Variants in MPP2 observed in about 807,000 individuals in gnomAD.
The protein encoded by MPP2 is MAGUK p55 subfamily member 2.
In MPP2, 42 loss-of-function variants were observed where a neutral mutation model predicts 58.5. The ratio of observed to expected loss-of-function variants is 0.72; its 90% confidence interval spans 0.56 to 0.93. MPP2 has a LOEUF of 0.93. Ranked by LOEUF, MPP2 falls within the 40% of genes least tolerant of loss-of-function variation. MPP2 has a pLI of 0.00. For missense variants in MPP2, 632 were observed against 760.4 expected (o/e 0.83, Z 1.99); for synonymous variants, 300 against 307.8 (o/e 0.97, Z 0.26).
intron 3 of MPP2, among the ~76,000 whole-genome samples, chr17:43,895,520 GTATT>G (rs2047807766): frequency 6.6e-6 from 1 of 152,046 alleles, no homozygotes; most frequent in African/African-American, 2.4e-5. Context: ...ATGCTCTTTT[GTATT>G]TATTCATTCA....
rs775059342 is a variant in MPP2 at position 43,879,299 on chromosome 17, A to T, written c.1458T>A (p.Ser486Arg). 1.1e-5 allele frequency: 18 copies of T among 1,610,986 alleles called. No individual in the cohort carries two copies. The highest frequency in any genetic ancestry group is 5.0e-5 in the Admixed American group (3 of 59,798). The change falls in exon 12 of 13, where the codon AGT becomes AGA. Residue 486 changes from serine (S) to arginine (R), a missense_variant. Coordinates refer to ENST00000269095, the MANE Select transcript of MPP2 (RefSeq NM_005374.5). This position sits in a 1 kb window ranked among gnomAD's most constrained non-coding sequence, Gnocchi z 4.1. ...CCGTGAGCTGCTTGGTGGATATTCC[A>T]CTCTCCAGCGCAGCCCTGTTCATGG... The part of the protein sequence containing the change: ...LRAMNRAALE[S>R]GISTKQLTEA...
chr17:43,898,718 A>G (rs2047960753), intron 2 of MPP2, among the ~76,000 whole-genome samples: 1 of 152,254 alleles, frequency 6.6e-6, no homozygotes, highest in African/African-American at 2.4e-5. Flanking sequence ...GCCCTGCACC[A>G]GAAAACCACA....
At chr17:43,900,736 G>C (rs1291654847) in intron 2 of MPP2, 2 of 1,141,792 alleles carry the variant, frequency 1.8e-6, no homozygotes, top group Non-Finnish European at 1.2e-6. Flanking sequence ...GACTGGCGCT[G>C]CGCGGTGCAG....
intron 3 of MPP2, among the ~76,000 whole-genome samples, chr17:43,888,255 C>T (rs568765134): frequency 2.0e-5 from 3 of 152,290 alleles, no homozygotes; most frequent in African/African-American, 7.2e-5. Flanking sequence ...CCTCCCATAC[C>T]ATCCTCTGCC....
upstream of MPP2, chr17:43,909,442 A>G (rs2048383534): frequency 1.5e-6 from 1 of 661,072 alleles, no homozygotes; most frequent in Admixed American, 4.1e-5. Flanking sequence ...TCACCTGTCC[A>G]CCTCTGGGCT....
intron 1 of MPP2, chr17:43,907,196 C>G: frequency 1.0e-6 from 1 of 985,532 alleles, no homozygotes; most frequent in Non-Finnish European, 1.2e-6. Context: ...ATACCGGGGC[C>G]CCTCACAGCT....
intron 3 of MPP2, among the ~76,000 whole-genome samples, chr17:43,894,147 G>A (rs1457320793): frequency 2.0e-5 from 3 of 151,016 alleles, no homozygotes; most frequent in East Asian, 3.9e-4. Context: ...GGCCAGGTGC[G>A]GTGGCTCACA....
chr17:43,888,812 G>A (rs923413554), intron 3 of MPP2, among the ~76,000 whole-genome samples: 12 of 152,088 alleles, frequency 7.9e-5, no homozygotes, highest in Admixed American at 1.3e-4. Context: ...ACCCCTGGAC[G>A]TTTTATACCC....
chr17:43,880,630 C>A lies in MPP2; in HGVS notation c.1150+61G>T. On this transcript the variant is annotated intron_variant, in intron 10 of 12. Transcript: ENST00000269095. This position sits in a 1 kb window ranked among gnomAD's most constrained non-coding sequence, Gnocchi z 5.2. Reference sequence around the variant, plus strand: ...AAGATGCCCATTCGGTGGGCCCAGCCCTGGCCCCAGGGGAGCCCTGCTCCT... The same window carrying A: ...AAGATGCCCATTCGGTGGGCCCAGCACTGGCCCCAGGGGAGCCCTGCTCCT... 6.5e-7 allele frequency: 1 copy of A among 1,526,858 alleles called. No individual in the cohort carries two copies. Among genetic ancestry groups the A allele is most frequent in the South Asian group, 1.3e-5 (1 of 78,496 alleles). 94.6% of individuals were successfully genotyped at this position (1,526,858 alleles called of 1,614,324 possible).
Position 43,877,806 on chromosome 17 carries a change from C to G in MPP2, c.*1G>C. 6.2e-7 allele frequency: 1 copy of G among 1,612,576 alleles called. No homozygotes were observed. Among genetic ancestry groups the G allele is most frequent in the Non-Finnish European group, 8.5e-7 (1 of 1,178,884 alleles). On this transcript the variant is annotated 3_prime_UTR_variant, in exon 13 of 13. Coordinates refer to ENST00000269095, the MANE Select transcript of MPP2 (RefSeq NM_005374.5). ...GTGAGCCAAAGACCAGGTGAACAGG[C>G]TCAGTACACCCAGCTGACAGGCACC...
chr17:43,898,538 C>T (rs2047951169), intron 2 of MPP2, among the ~76,000 whole-genome samples, 158 bp from the exon 3 acceptor site: 1 of 152,218 alleles, frequency 6.6e-6, no homozygotes. Flanking sequence ...GCACCCCAGG[C>T]CCTTGAATGC....
intron 12 of MPP2, among the ~76,000 whole-genome samples, chr17:43,878,519 A>T (rs1449948435): frequency 6.6e-6 from 1 of 152,210 alleles, no homozygotes; most frequent in Non-Finnish European, 1.5e-5. Context: ...AATAAGCTGA[A>T]GCTAGCTGCA....
rs779362495 is a variant in MPP2 at position 43,880,728 on chromosome 17, G to A, written c.1113C>T (p.Ile371=). ...VGRRSLKNKL[I]MWDPDRYGTT... ...TGCCATAGCGATCTGGATCCCACAT[G>A]ATGAGCTTGTTCTTCAGGCTGCGCC... The change falls in exon 10 of 13, where the codon ATC becomes ATT. Residue 371 remains isoleucine, a synonymous_variant. Transcript: ENST00000269095. The surrounding 1 kb of genome is among the most constrained non-coding windows in gnomAD (Gnocchi z 5.2). 1.9e-6 allele frequency: 3 copies of A among 1,613,756 alleles called. No homozygotes were observed. In the East Asian group the frequency reaches 6.7e-5, roughly 36 times the overall value.
intron 1 of MPP2, among the ~76,000 whole-genome samples, chr17:43,905,923 C>A (rs2048269263): frequency 6.6e-6 from 1 of 152,086 alleles, no homozygotes; most frequent in Admixed American, 6.6e-5. Flanking sequence ...AATAAAGGTG[C>A]TTTCAGGGAG....
chr17:43,885,397 T>A (rs2047324807), intron 3 of MPP2, among the ~76,000 whole-genome samples: 1 of 152,172 alleles, frequency 6.6e-6, no homozygotes, highest in Non-Finnish European at 1.5e-5. Flanking sequence ...ACCCCAGGTC[T>A]GGAATCAGCA....
At chr17:43,906,683 T>A (rs2048301288) in intron 1 of MPP2, among the ~76,000 whole-genome samples, 1 of 151,914 alleles carries the variant, frequency 6.6e-6, no homozygotes, top group South Asian at 2.1e-4. Context: ...GCTTGGACCA[T>A]CAGATCACCC....
At chr17:43,896,332 A>T (rs570745507) in intron 3 of MPP2, among the ~76,000 whole-genome samples, 1 of 152,166 alleles carries the variant, frequency 6.6e-6, no homozygotes, top group East Asian at 1.9e-4. Flanking sequence ...TTCAACACTG[A>T]TGACCTACCT....
intron 3 of MPP2, among the ~76,000 whole-genome samples, chr17:43,888,332 G>A (rs1355157504): frequency 6.6e-6 from 1 of 152,230 alleles, no homozygotes; most frequent in Non-Finnish European, 1.5e-5. Context: ...TGGGGCAGAG[G>A]AGTAGCATTT....
chr17:43,899,741 A>C (rs1444650257), intron 2 of MPP2, among the ~76,000 whole-genome samples: 2 of 152,028 alleles, frequency 1.3e-5, no homozygotes, highest in African/African-American at 4.8e-5. Flanking sequence ...ATGGGACATA[A>C]TGGAGGACAC....
Sources: allele counts gnomAD v4.1 joint callset (sites outside exome capture counted in the v4.1 genomes callset), GRCh38; gene constraint gnomAD v4.1.1; non-coding constraint Gnocchi (gnomAD v3.1); transcripts MANE v1.5; gene names NCBI Gene and HGNC (gene_info 2026-07-23, HGNC 2026-07-21).